Variants in DAZAP2 observed in about 807,000 individuals in gnomAD.
The protein encoded by DAZAP2 is DAZ-associated protein 2.
In DAZAP2, 3 loss-of-function variants were observed where a neutral mutation model predicts 16.2. That is an observed-to-expected ratio of 0.19 (90% CI 0.08 to 0.48). DAZAP2 has a LOEUF of 0.48. Among genes scored for constraint, DAZAP2 ranks in the 20% least tolerant of loss-of-function variants. The probability of loss-of-function intolerance (pLI) is 0.98; values close to 1 mark genes in which losing one functional copy is unlikely to be tolerated. For synonymous variants in DAZAP2, 69 were observed against 77.6 expected, an observed-to-expected ratio of 0.89 and a Z score of 0.58; for missense variants, 172 against 215.9, an observed-to-expected ratio of 0.80 and a Z score of 1.27.
chr12:51,244,823 T>TTA (rs1238164375), downstream of DAZAP2: 1 of 137,270 alleles, frequency 7.3e-6, no homozygotes, highest in Non-Finnish European at 1.5e-5. Context: ...CAGGGTACTT[T>TTA]TTTTTTTTTT....
Position 51,242,703 on chromosome 12 carries a change from GC to G in DAZAP2, c.*247del. On this transcript the variant is annotated 3_prime_UTR_variant, in exon 4 of 4. Coordinates refer to ENST00000412716, the MANE Select transcript of DAZAP2 (RefSeq NM_014764.4). The stretch of plus-strand genomic sequence containing the variant: ...CATTCATAAAATGAATGTGGGTGAA[GC>G]CGCCCTAAGGATTTTCCTTTAATTT... The G allele has an allele frequency of 6.7e-7, 1 of 1,489,290 alleles. No homozygotes were observed. The highest frequency in any genetic ancestry group is 8.9e-7 in the Non-Finnish European group (1 of 1,120,584). The allele number at this position is 1,489,290 out of a possible 1,614,324, so 92.3% of individuals were successfully genotyped here.
In DAZAP2 at chr12:51,240,353, A is replaced by C. The variant is rs149045049; in HGVS notation, c.24A>C (p.Pro8=). ...TTTCTTGTCTTTCAGGTCAATATCCAACACAGCCAACCTACCCTGTGCAGC... is the reference window on the plus strand; with the variant it reads ...TTTCTTGTCTTTCAGGTCAATATCCCACACAGCCAACCTACCCTGTGCAGC... MNSKGQY[P]TQPTYPVQPP... The change falls in exon 2 of 4, where the codon CCA becomes CCC. Residue 8 remains proline, a synonymous_variant. Coordinates refer to ENST00000412716, the MANE Select transcript of DAZAP2 (RefSeq NM_014764.4). The C allele has an allele frequency of 6.0e-5, 97 of 1,613,910 alleles. No homozygotes were observed. The African/African-American group carries it at 1.3e-3, about 21-fold the overall frequency.
chr12:51,245,793 C>T (rs1179229551), downstream of DAZAP2: 7 of 809,956 alleles, frequency 8.6e-6, no homozygotes, highest in Admixed American at 2.9e-5. Flanking sequence ...TCAGTGATGT[C>T]GGCATTTGGG....
At chr12:51,241,958 A>G (rs906856850) in intron 3 of DAZAP2, among the ~76,000 whole-genome samples, 2 of 151,990 alleles carry the variant, frequency 1.3e-5, no homozygotes, top group Admixed American at 1.3e-4. Flanking sequence ...AAAATTAAAA[A>G]CTATGTAGGG....
chr12:51,239,997 T>C, intron 1 of DAZAP2: 1 of 282,348 alleles, frequency 3.5e-6, no homozygotes, highest in Non-Finnish European at 6.8e-6. Flanking sequence ...GGAGACTACC[T>C]AGAGCAGAGG....
At chr12:51,241,987 A>G (rs1295819443) in intron 3 of DAZAP2, among the ~76,000 whole-genome samples, 1 of 152,158 alleles carries the variant, frequency 6.6e-6, no homozygotes, top group East Asian at 1.9e-4. Flanking sequence ...GGATTCATAC[A>G]TGGACTGGCA....
rs1944707029 is a variant in DAZAP2, at chr12:51,242,992, C to G, written c.*534C>G. 1 of 1,055,368 alleles carries G rather than the reference C, an allele frequency of 9.5e-7. No individual in the cohort carries two copies. The highest frequency in any genetic ancestry group is 1.1e-6 in the Non-Finnish European group (1 of 874,240). 65.4% of individuals were successfully genotyped at this position (1,055,368 alleles called of 1,614,324 possible). ...TTCCTCCCGCCAGTCTCCATTGAAT[C>G]AATGGTGCAGGACAGAAAGCCAGTC... On this transcript the variant is annotated 3_prime_UTR_variant, in exon 4 of 4. Transcript: ENST00000412716.
At chr12:51,240,088 A>G in intron 1 of DAZAP2, 1 of 484,596 alleles carries the variant, frequency 2.1e-6, no homozygotes, top group South Asian at 2.3e-5. Flanking sequence ...GCCCAGGTAG[A>G]CTTAACCCCT....
At chr12:51,240,805 C>A in intron 2 of DAZAP2, 66 bp from the exon 3 acceptor site, 1 of 1,572,436 alleles carries the variant, frequency 6.4e-7, no homozygotes, top group Non-Finnish European at 8.7e-7. Context: ...AGAATTAGCT[C>A]ATTAAAGAGA....
intron 1 of DAZAP2, 200 bp downstream of exon 1, chr12:51,239,120 C>G: frequency 1.4e-6 from 1 of 727,762 alleles, no homozygotes; most frequent in Non-Finnish European, 2.1e-6. Context: ...GCCCTTTCCT[C>G]CGTAAACTCT....
At chr12:51,240,679 C>A in intron 2 of DAZAP2, 192 bp from the exon 3 acceptor site, 1 of 883,312 alleles carries the variant, frequency 1.1e-6, no homozygotes, top group Non-Finnish European at 1.7e-6. Flanking sequence ...GATGAATTTG[C>A]GTTCTGTGAG....
downstream of DAZAP2, chr12:51,245,889 T>A: frequency 6.4e-7 from 1 of 1,570,416 alleles, no homozygotes; most frequent in Admixed American, 1.8e-5. Flanking sequence ...TAATAAGCAG[T>A]CAACGTGTTA....
chr12:51,239,819 A>T, intron 1 of DAZAP2: 1 of 154,326 alleles, frequency 6.5e-6, no homozygotes, highest in South Asian at 1.9e-4. Context: ...CCGCTTTTCC[A>T]GTGAGGATAT....
rs374168708 is a variant in DAZAP2, at chr12:51,242,482, G to A, written c.*24G>A. 29 of 1,613,830 alleles carry A rather than the reference G, an allele frequency of 1.8e-5. No individual in the cohort carries two copies. Among genetic ancestry groups the A allele is most frequent in the Middle Eastern group, 1.7e-4 (1 of 5,826 alleles). On this transcript the variant is annotated 3_prime_UTR_variant, in exon 4 of 4. Transcript: ENST00000412716. ...GAGGAACCAAGGCCACCTCTGTGCC[G>A]GGAAAGACATCACATACCTTCAGCA...
In DAZAP2 at chr12:51,242,807, T is replaced by A. The variant is rs1944702212; in HGVS notation, c.*349T>A. Reference sequence around the variant, plus strand: ...AAATTAGGTTTGGAGGGAACTTTGATCTTCCTAAGAATTAAAGTTGCCAAA... The same window carrying A: ...AAATTAGGTTTGGAGGGAACTTTGAACTTCCTAAGAATTAAAGTTGCCAAA... On this transcript the variant is annotated 3_prime_UTR_variant, in exon 4 of 4. Transcript: ENST00000412716. 3 of 1,401,726 alleles carry A rather than the reference T, an allele frequency of 2.1e-6. No individual in the cohort carries two copies. The highest frequency in any genetic ancestry group is 2.8e-6 in the Non-Finnish European group (3 of 1,085,546). The allele number at this position is 1,401,726 out of a possible 1,614,324, so 86.8% of individuals were successfully genotyped here. A position where few individuals can be genotyped will look rare whatever the true frequency, so the allele number is the denominator to read the frequency against.
chr12:51,246,688 T>C (rs933502674), downstream of DAZAP2: 12 of 1,330,806 alleles, frequency 9.0e-6, no homozygotes, highest in African/African-American at 1.7e-4. Flanking sequence ...TTGGTCAGGC[T>C]CCCTCTGGAG....
chr12:51,246,128 G>A, downstream of DAZAP2: 3 of 1,613,556 alleles, frequency 1.9e-6, no homozygotes, highest in Non-Finnish European at 2.5e-6. Flanking sequence ...AACTTGGAAA[G>A]GAGAGGGAAA....
intron 1 of DAZAP2, 64 bp from the exon 2 acceptor site, chr12:51,240,279 A>G (rs1565652889): frequency 4.5e-6 from 6 of 1,329,248 alleles, no homozygotes; most frequent in East Asian, 2.3e-5. Flanking sequence ...GCTACCCGAT[A>G]TGACCTGCCT....
Position 51,240,405 on chromosome 12 carries a change from A to G in DAZAP2, c.76A>G (p.Thr26Ala). 1 of 1,614,040 alleles carries G rather than the reference A, an allele frequency of 6.2e-7. No homozygotes were observed. ...TCCTGGGAATCCAGTATACCCTCAG[A>G]CCTTGCATCTTCCTCAGGCTCCACC... ...QPPGNPVYPQ[T>A]LHLPQAPPYT... Residue 26 changes from threonine (T) to alanine (A), a missense_variant, in exon 2 of 4, where the codon ACC (threonine) becomes GCC (alanine). Thr to Ala is a moderately conservative substitution (Grantham distance 58, BLOSUM62 0). Coordinates refer to ENST00000412716, the MANE Select transcript of DAZAP2 (RefSeq NM_014764.4).
Sources: gnomAD v4.1 joint callset for allele counts (sites outside exome capture counted in the v4.1 genomes callset) on GRCh38, gnomAD v4.1.1 for gene constraint, MANE v1.5 for transcripts, NCBI Gene and HGNC (gene_info 2026-07-23, HGNC 2026-07-21) for gene names.